Variants in ARHGAP42 observed in about 807,000 individuals in gnomAD.
ARHGAP42 encodes the protein Rho GTPase activating protein 42.
Under a neutral mutation model 125.0 loss-of-function variants are expected in ARHGAP42, and 63 were observed. The ratio of observed to expected loss-of-function variants is 0.50; its 90% CI spans 0.41 to 0.62. The LOEUF is 0.62. ARHGAP42 is among the 20% of genes least tolerant of loss of function. ARHGAP42 has a pLI of 0.00. For synonymous variants in ARHGAP42, 339 were observed against 351.0 expected (o/e 0.97, Z 0.38); for missense variants, 766 against 1,024.2 (o/e 0.75, Z 3.44).
intron 12 of ARHGAP42, among the ~76,000 whole-genome samples, chr11:100,952,580 A>G (rs1857687375): frequency 6.6e-6 from 1 of 152,092 alleles, no homozygotes; most frequent in African/African-American, 2.4e-5. Flanking sequence ...ACCCAAACAG[A>G]ATCACTACCC....
chr11:100,753,846 T>C (rs367707651), intron 1 of ARHGAP42, among the ~76,000 whole-genome samples: 7 of 152,226 alleles, frequency 4.6e-5, no homozygotes, highest in Admixed American at 2.0e-4. Flanking sequence ...TCTCTCACAC[T>C]CTGGAGACTT....
At chr11:100,798,616 C>T (rs545764079) in intron 3 of ARHGAP42, among the ~76,000 whole-genome samples, 1 of 152,276 alleles carries the variant, frequency 6.6e-6, no homozygotes, top group South Asian at 2.1e-4. Flanking sequence ...AACTTATTTG[C>T]ACTGGCATCA....
chr11:100,883,099 C>T (rs933607869), intron 4 of ARHGAP42, among the ~76,000 whole-genome samples: 3 of 151,936 alleles, frequency 2.0e-5, no homozygotes, highest in African/African-American at 7.3e-5. Flanking sequence ...TCAAAATGAT[C>T]TTTTGGATTG....
chr11:100,865,640 T>A (rs937097969), intron 4 of ARHGAP42, among the ~76,000 whole-genome samples: 1 of 152,188 alleles, frequency 6.6e-6, no homozygotes, highest in Non-Finnish European at 1.5e-5. Flanking sequence ...TCCCAATGAG[T>A]CACACATATT....
rs536073618 is a variant in ARHGAP42, at chr11:100,871,764, A to G, written c.384+12139A>G. Among the ~76,000 whole-genome samples the G allele has an allele frequency of 2.6e-5, 4 of 152,084 alleles. No individual in the cohort carries two copies. The South Asian group carries it at 8.3e-4, about 32-fold the overall frequency. ...TAGGTTCATTTGTTCTTTTTTTTAG[A>G]TGGAGTTTCACTCTTGTTGCCCAGG... is the stretch of plus-strand genomic sequence containing the variant. On this transcript the variant is annotated intron_variant, in intron 4 of 23. Transcript: ENST00000298815.
At chr11:100,781,048 GT>G (rs1863299335) in intron 2 of ARHGAP42, among the ~76,000 whole-genome samples, 1 of 152,026 alleles carries the variant, frequency 6.6e-6, no homozygotes, top group African/African-American at 2.4e-5. Context: ...CACTGGCCCT[GT>G]TTTTTTGGTG....
At chr11:100,766,703 C>A (rs1172456861) in intron 1 of ARHGAP42, among the ~76,000 whole-genome samples, 1 of 152,094 alleles carries the variant, frequency 6.6e-6, no homozygotes, top group African/African-American at 2.4e-5. Flanking sequence ...ATTATTACTG[C>A]CAGAAAATAT....
At chr11:100,780,710 T>C (rs1285976922) in intron 2 of ARHGAP42, among the ~76,000 whole-genome samples, 3 of 152,258 alleles carry the variant, frequency 2.0e-5, no homozygotes, top group Non-Finnish European at 4.4e-5. Context: ...ATTTCCTGGT[T>C]ATACAACTCA....
At chr11:100,772,238 C>T (rs1862998903) in intron 2 of ARHGAP42, among the ~76,000 whole-genome samples, 1 of 152,200 alleles carries the variant, frequency 6.6e-6, no homozygotes, top group Non-Finnish European at 1.5e-5. Flanking sequence ...TGAATTTCAG[C>T]TTCATTGTGT....
At chr11:100,879,885 C>T (rs2135174491) in intron 4 of ARHGAP42, among the ~76,000 whole-genome samples, 1 of 152,244 alleles carries the variant, frequency 6.6e-6, no homozygotes, top group South Asian at 2.1e-4. Context: ...CTTTTGGGTT[C>T]AGATCACCAG....
intron 22 of ARHGAP42, among the ~76,000 whole-genome samples, chr11:100,984,137 A>G (rs2135332405): frequency 6.6e-6 from 1 of 151,932 alleles, no homozygotes; most frequent in East Asian, 1.9e-4. Context: ...AAGCAAAAGA[A>G]AGAAAAAAAA....
At chr11:100,825,640 G>C (rs1489975177) in intron 3 of ARHGAP42, among the ~76,000 whole-genome samples, 1 of 152,136 alleles carries the variant, frequency 6.6e-6, no homozygotes, top group Non-Finnish European at 1.5e-5. Flanking sequence ...TGTATGTGCA[G>C]TTTTCTGCAT....
chr11:100,980,559 CTTTTTTTTTTTTTTTTTTTTTT>C (rs763302463), intron 22 of ARHGAP42, among the ~76,000 whole-genome samples: 1 of 51,962 alleles, frequency 1.9e-5, no homozygotes, highest in Non-Finnish European at 3.8e-5. Context: ...TTTTCTTCTT[CTTTTTTTTTTTTTTTTTTTTTT>C]TTTTTTTTGA....
intron 3 of ARHGAP42, among the ~76,000 whole-genome samples, chr11:100,803,700 A>G (rs1400052549): frequency 6.6e-6 from 1 of 152,134 alleles, no homozygotes; most frequent in Non-Finnish European, 1.5e-5. Context: ...TTTACCCTCC[A>G]ATCATTGTCT....
At chr11:100,751,459 T>G (rs1862455622) in intron 1 of ARHGAP42, among the ~76,000 whole-genome samples, 1 of 150,382 alleles carries the variant, frequency 6.6e-6, no homozygotes, top group South Asian at 2.1e-4. Flanking sequence ...AATTTATACT[T>G]TTTTATTTTT....
In ARHGAP42 at chr11:100,933,265, G is replaced by C; in HGVS notation, c.702+5G>C. ...CTGCAGTTCAACTTGCAGAATGTAA[G>C]AGTATACCTGTTCTTACTGTCTCTC... On this transcript the variant is annotated splice_donor_5th_base_variant and intron_variant, in intron 7 of 23. Transcript: ENST00000298815. 1 of 1,533,436 alleles carries C rather than the reference G, an allele frequency of 6.5e-7. No homozygotes were observed. The highest frequency in any genetic ancestry group is 8.8e-7 in the Non-Finnish European group (1 of 1,133,472). 95.0% of individuals were successfully genotyped at this position (1,533,436 alleles called of 1,614,324 possible). A position where few individuals can be genotyped will look rare whatever the true frequency, so the allele number is the denominator to read the frequency against.
At chr11:100,891,209 C>G (rs1866210397) in intron 4 of ARHGAP42, among the ~76,000 whole-genome samples, 2 of 152,070 alleles carry the variant, frequency 1.3e-5, no homozygotes, top group African/African-American at 4.8e-5. Context: ...AGTCAGAAGA[C>G]TCTTGTTTTG....
At chr11:100,781,945 T>G (rs114680851) in intron 2 of ARHGAP42, among the ~76,000 whole-genome samples, 6,696 of 151,824 alleles carry the variant, frequency 0.044, 500 homozygotes, top group African/African-American at 0.15. Flanking sequence ...TTTTTTTTTT[T>G]TTTGTGCATT....
chr11:100,909,610 AGG>A (rs1565271295), intron 4 of ARHGAP42, among the ~76,000 whole-genome samples: 2 of 152,134 alleles, frequency 1.3e-5, no homozygotes. Flanking sequence ...CTGGGATTAC[AGG>A]CATGAGCCAC....
Sources: gnomAD v4.1 joint callset for allele counts (sites outside exome capture counted in the v4.1 genomes callset) on GRCh38, gnomAD v4.1.1 for gene constraint, MANE v1.5 for transcripts, NCBI Gene and HGNC (gene_info 2026-07-23, HGNC 2026-07-21) for gene names.